The following UGT2B7 variants were observed in gnomAD, a reference collection of about 807,000 sequenced individuals.
UGT2B7 encodes UDP-glucuronosyltransferase 2B7.
UGT2B7 carries 51 observed loss-of-function variants against 51.9 expected under a neutral mutation model. The ratio of observed to expected loss-of-function variants is 0.98; its 90% CI spans 0.78 to 1.24. The LOEUF (loss-of-function observed/expected upper bound fraction) is 1.24, where lower values mean the gene tolerates loss of function less well. Among genes scored for constraint, UGT2B7 ranks in the 50% most tolerant of loss-of-function variants. The probability of loss-of-function intolerance (pLI) is 0.00; values close to 1 mark genes in which losing one functional copy is unlikely to be tolerated. For missense variants in UGT2B7, 727 were observed against 628.4 expected (o/e 1.16, Z -1.68); for synonymous variants, 225 against 211.6 (o/e 1.06, Z -0.55).
At chr4:69,089,417 A>T (rs549239362) in intron 1 of UGT2B7, 1 of 152,312 alleles carries the variant, frequency 6.6e-6, no homozygotes, top group East Asian at 1.9e-4. Context: ...TAAGTAAACT[A>T]TATTATTCTA....
chr4:69,065,184 A>G (rs1405834744), intron 1 of UGT2B7, among the ~76,000 whole-genome samples: 6 of 152,142 alleles, frequency 3.9e-5, no homozygotes, highest in Non-Finnish European at 5.9e-5. Flanking sequence ...AAATAGGTCT[A>G]TTCAGTGTAT....
chr4:69,112,528 T>A lies in UGT2B7; in HGVS notation c.1382T>A (p.Val461Asp). ...DQPVKPLDRA[V>D]FWIEFVMRHK... ...CCAGTGAAGCCCCTGGATCGAGCAG[T>A]CTTCTGGATTGAATTTGTCATGCGC... The change falls in exon 6 of 6, where the codon GTC becomes GAC. Residue 461 changes from valine (V) to aspartate (D), a missense_variant. Transcript: ENST00000305231. 6.2e-7 allele frequency: 1 copy of A among 1,613,968 alleles called. No individual in the cohort carries two copies.
At chr4:69,089,087 C>A (rs1719027770) in intron 1 of UGT2B7, among the ~76,000 whole-genome samples, 1 of 151,998 alleles carries the variant, frequency 6.6e-6, no homozygotes, top group South Asian at 2.1e-4. Flanking sequence ...TAGTTACTAG[C>A]TCTATTTTTG....
In UGT2B7 at chr4:69,097,247, TATTTTTTTCAATCAGTAAC is replaced by T; in HGVS notation, c.721+9_721+27del. 6.3e-7 allele frequency: 1 copy of T among 1,598,072 alleles called. No homozygotes were observed. The highest frequency in any genetic ancestry group is 1.1e-5 in the South Asian group (1 of 88,382). ...GTTTTATAGTGAAGTTCTAGGTAAGTATTTTTTTCAATCAGTAACATGAAGCTCTAACTTATTTGTGTCT... is the reference window on the plus strand; with the variant it reads ...GTTTTATAGTGAAGTTCTAGGTAAGTATGAAGCTCTAACTTATTTGTGTCT... On this transcript the variant is annotated splice_region_variant and intron_variant, in intron 1 of 5. Transcript: ENST00000305231.
At chr4:69,094,662 G>A (rs371994195), upstream of UGT2B7, among the ~76,000 whole-genome samples, 51 of 152,260 alleles carry the variant, frequency 3.3e-4, no homozygotes, top group East Asian at 5.2e-3. Flanking sequence ...GGTGGTGGCC[G>A]CTAGTACTTA....
At chr4:69,075,871 C>T (rs957730151) in intron 1 of UGT2B7, among the ~76,000 whole-genome samples, 1 of 152,076 alleles carries the variant, frequency 6.6e-6, no homozygotes, top group Non-Finnish European at 1.5e-5. Flanking sequence ...TTGTGGTTTG[C>T]TGCACCCATC....
chr4:69,081,448 A>T (rs910171198), intron 1 of UGT2B7, among the ~76,000 whole-genome samples: 9 of 152,208 alleles, frequency 5.9e-5, no homozygotes, highest in African/African-American at 2.2e-4. Flanking sequence ...AACAAAAATG[A>T]CCTTTTGACT....
intron 1 of UGT2B7, among the ~76,000 whole-genome samples, chr4:69,063,155 T>TA (rs1281061656): frequency 1.4e-4 from 21 of 150,534 alleles, no homozygotes; most frequent in Admixed American, 5.3e-4. Flanking sequence ...CCGTCTCTAC[T>TA]AAAAATACAA....
intron 1 of UGT2B7, among the ~76,000 whole-genome samples, chr4:69,078,564 A>G (rs1035472412): frequency 2.0e-5 from 3 of 151,710 alleles, no homozygotes; most frequent in Non-Finnish European, 4.4e-5. Flanking sequence ...ATTCTAGTCC[A>G]CTCCTGGGTT....
At chr4:69,083,803 G>T (rs1718887415) in intron 1 of UGT2B7, among the ~76,000 whole-genome samples, 1 of 151,942 alleles carries the variant, frequency 6.6e-6, no homozygotes, top group Non-Finnish European at 1.5e-5. Flanking sequence ...GATTTTCTGT[G>T]TATAAAATCA....
intron 4 of UGT2B7, among the ~76,000 whole-genome samples, chr4:69,107,661 T>G (rs1209374835): frequency 6.6e-6 from 1 of 152,140 alleles, no homozygotes; most frequent in Non-Finnish European, 1.5e-5. Context: ...AGAATTAAAC[T>G]GCTAATCTTA....
chr4:69,106,745 C>T (rs4356975), intron 3 of UGT2B7, among the ~76,000 whole-genome samples: 57,585 of 151,840 alleles, frequency 0.38, 11,359 homozygotes, highest in East Asian at 0.65. Context: ...TCTATACTAC[C>T]TCACCAGTAT....
At chr4:69,075,035 A>G (rs980377858) in intron 1 of UGT2B7, among the ~76,000 whole-genome samples, 4 of 152,294 alleles carry the variant, frequency 2.6e-5, no homozygotes, top group South Asian at 2.1e-4. Context: ...TAAATATTTT[A>G]AAATGCTTAA....
chr4:69,063,735 G>A (rs1718408532), intron 1 of UGT2B7, among the ~76,000 whole-genome samples: 1 of 152,092 alleles, frequency 6.6e-6, no homozygotes, highest in South Asian at 2.1e-4. Flanking sequence ...TCCCTCTTAG[G>A]AGGTTGGTTT....
chr4:69,053,356 T>A (rs998832845), intron 1 of UGT2B7, among the ~76,000 whole-genome samples: 20 of 152,194 alleles, frequency 1.3e-4, no homozygotes, highest in African/African-American at 4.8e-4. Flanking sequence ...TCACAGAAGT[T>A]AAAGACTTAA....
intron 1 of UGT2B7, among the ~76,000 whole-genome samples, chr4:69,064,074 A>AAG (rs1367233714): frequency 1.3e-4 from 14 of 107,512 alleles, no homozygotes; most frequent in African/African-American, 4.3e-4. Flanking sequence ...GAAAGAAAGA[A>AAG]AGAAAGAAAG....
intron 5 of UGT2B7, among the ~76,000 whole-genome samples, chr4:69,111,876 C>T (rs1281499015): frequency 2.0e-5 from 3 of 152,242 alleles, no homozygotes; most frequent in East Asian, 1.9e-4. Context: ...TACACAAATT[C>T]GATGTCAATT....
At chr4:69,064,078 A>AAGAAAGAG (rs1718425607) in intron 1 of UGT2B7, among the ~76,000 whole-genome samples, 3 of 106,058 alleles carry the variant, frequency 2.8e-5, no homozygotes, top group Admixed American at 8.8e-5. Flanking sequence ...GAAAGAAAGA[A>AAGAAAGAG]AGAAAGAAAG....
intron 3 of UGT2B7, 78 bp from the exon 4 acceptor site, chr4:69,107,097 C>T (rs1303347744): frequency 4.8e-6 from 7 of 1,448,106 alleles, no homozygotes; most frequent in Non-Finnish European, 6.6e-6. Flanking sequence ...GATCTCATTC[C>T]TACTCTTTAT....
Sources: allele counts gnomAD v4.1 joint callset (sites outside exome capture counted in the v4.1 genomes callset), GRCh38; gene constraint gnomAD v4.1.1; transcripts MANE v1.5; gene names NCBI Gene and HGNC (gene_info 2026-07-23, HGNC 2026-07-21).